The following COL28A1 variants were observed in gnomAD, a reference collection of about 807,000 sequenced individuals.
COL28A1 encodes collagen type XXVIII alpha 1 chain.
In COL28A1, 161 loss-of-function variants were observed where a neutral mutation model predicts 150.2. The observed-to-expected ratio is 1.07, with a 90% CI of 0.94 to 1.22. COL28A1 has a LOEUF of 1.22. Among genes scored for constraint, COL28A1 ranks in the 50% most tolerant of loss-of-function variants. The pLI is 0.00. For missense variants in COL28A1, 1,617 were observed against 1,388.3 expected, an observed-to-expected ratio of 1.16 and a Z score of -2.62; for synonymous variants, 552 against 469.7, an observed-to-expected ratio of 1.18 and a Z score of -2.26.
chr7:7,524,239 A>G lies in COL28A1; in HGVS notation c.692T>C (p.Phe231Ser), dbSNP rs1224895493. ...DKIQDRLDIL[F>S]EKKCERKICE... is the part of the protein sequence containing the mutation. ...GCATGTGGTGCTTACCTTCTTTTCA[A>G]ATAAGATATCCTACAAGGGAAAAAA... Residue 231 changes from phenylalanine to serine, a missense_variant, in exon 4 of 35, where the codon TTT becomes TCT. Physicochemically the swap from Phe to Ser is radical, Grantham distance 155 (BLOSUM62 -2). Coordinates refer to ENST00000399429, the MANE Select transcript of COL28A1 (RefSeq NM_001037763.3). The G allele has an allele frequency of 1.5e-6, 2 of 1,360,312 alleles. No individual in the cohort carries two copies. The highest frequency in any genetic ancestry group is 2.3e-5 in the East Asian group (1 of 43,734). The allele number at this position is 1,360,312 out of a possible 1,614,324, so 84.3% of individuals were successfully genotyped here.
At chr7:7,477,433 A>G (rs912123883) in intron 13 of COL28A1, among the ~76,000 whole-genome samples, 3 of 152,220 alleles carry the variant, frequency 2.0e-5, no homozygotes, top group Non-Finnish European at 4.4e-5. Context: ...GAGATGATTC[A>G]AAGTATACCA....
intron 8 of COL28A1, among the ~76,000 whole-genome samples, chr7:7,512,671 C>T (rs1238608437): frequency 2.0e-5 from 3 of 152,148 alleles, no homozygotes; most frequent in Admixed American, 6.5e-5. Flanking sequence ...GTAATATTAT[C>T]TCCTTTATAA....
intron 6 of COL28A1, among the ~76,000 whole-genome samples, chr7:7,519,369 C>G (rs1019053776): frequency 6.6e-6 from 1 of 152,210 alleles, no homozygotes; most frequent in Non-Finnish European, 1.5e-5. Context: ...GAGCTACGTA[C>G]AATTCAAGAT....
chr7:7,383,290 T>G (rs7791964), intron 27 of COL28A1, among the ~76,000 whole-genome samples: 64,677 of 122,246 alleles, frequency 0.53, 15,385 homozygotes, highest in Non-Finnish European at 0.57. Flanking sequence ...GTGTGTGTGT[T>G]TTTTTTGAGA....
chr7:7,430,971 C>A (rs1364230284), intron 25 of COL28A1, among the ~76,000 whole-genome samples: 1 of 152,162 alleles, frequency 6.6e-6, no homozygotes, highest in Non-Finnish European at 1.5e-5. Context: ...ATTGGACTCT[C>A]ATCATTACCC....
Position 7,532,876 on chromosome 7 carries a change from TA to T in COL28A1, c.-2del. 1.3e-6 allele frequency: 2 copies of T among 1,598,458 alleles called. No individual in the cohort carries two copies. Among genetic ancestry groups the T allele is most frequent in the South Asian group, 2.3e-5 (2 of 87,058 alleles). On this transcript the variant is annotated 5_prime_UTR_variant, in exon 2 of 35. Coordinates refer to ENST00000399429, the MANE Select transcript of COL28A1 (RefSeq NM_001037763.3). The stretch of plus-strand genomic sequence containing the variant: ...AGAAGACAAAATATCTGTTCCACAT[TA>T]TGGTAGATGGTGAAAAATCATCTGT...
chr7:7,409,920 A>C (rs1213772693), intron 27 of COL28A1, among the ~76,000 whole-genome samples: 1 of 152,206 alleles, frequency 6.6e-6, no homozygotes. Context: ...GAGAGCCTAA[A>C]GTTTTCATTC....
chr7:7,432,902 T>C (rs1194293897), intron 23 of COL28A1, among the ~76,000 whole-genome samples: 1 of 152,082 alleles, frequency 6.6e-6, no homozygotes, highest in African/African-American at 2.4e-5. Context: ...AAAAGAAAAT[T>C]TATTAAGCAC....
At chr7:7,396,252 C>T (rs1438640108) in intron 27 of COL28A1, among the ~76,000 whole-genome samples, 2 of 152,188 alleles carry the variant, frequency 1.3e-5, no homozygotes, top group African/African-American at 4.8e-5. Flanking sequence ...TAACCAGCAA[C>T]TGCCATTTAT....
the COL28A1 span, among the ~76,000 whole-genome samples, chr7:7,345,026 C>T: frequency 6.6e-5 from 10 of 151,430 alleles, no homozygotes; most frequent in Admixed American, 1.3e-4. Context: ...ACACACACCC[C>T]TTTCGCCTGA....
At chr7:7,424,769 C>G (rs916957364) in intron 25 of COL28A1, among the ~76,000 whole-genome samples, 2 of 152,176 alleles carry the variant, frequency 1.3e-5, no homozygotes, top group African/African-American at 4.8e-5. Flanking sequence ...CCTCTTGGCC[C>G]GCCAAAGGGA....
chr7:7,362,248 A>ACATTCTT, intron 33 of COL28A1, among the ~76,000 whole-genome samples: 1 of 44,990 alleles, frequency 2.2e-5, no homozygotes, highest in Non-Finnish European at 4.9e-5. Flanking sequence ...GGGAATAATT[A>ACATTCTT]TATTCTTTTG....
intron 25 of COL28A1, among the ~76,000 whole-genome samples, chr7:7,425,610 CTT>C (rs1478449951): frequency 6.6e-6 from 1 of 152,216 alleles, no homozygotes; most frequent in African/African-American, 2.4e-5. Context: ...CTTAATCTCT[CTT>C]CTTATCCATC....
chr7:7,361,853 T>TA (rs3067776), intron 33 of COL28A1, among the ~76,000 whole-genome samples: 6,018 of 148,712 alleles, frequency 0.04, 150 homozygotes, highest in Non-Finnish European at 0.047. Context: ...TATGCAGCCA[T>TA]AAAAACATGA....
chr7:7,423,099 G>A, intron 25 of COL28A1, among the ~76,000 whole-genome samples: 1 of 152,158 alleles, frequency 6.6e-6, no homozygotes, highest in East Asian at 1.9e-4. Flanking sequence ...ATTTGTTTTA[G>A]GTTTGATAAT....
At chr7:7,434,017 CA>C (rs1785172168) in intron 23 of COL28A1, among the ~76,000 whole-genome samples, 1 of 152,158 alleles carries the variant, frequency 6.6e-6, no homozygotes, top group Admixed American at 6.5e-5. Context: ...AACTATACTC[CA>C]ATAAATGAAT....
At chr7:7,523,443 C>A (rs1030105172) in intron 4 of COL28A1, among the ~76,000 whole-genome samples, 1 of 151,816 alleles carries the variant, frequency 6.6e-6, no homozygotes, top group South Asian at 2.1e-4. Context: ...CAGGCGTGAG[C>A]GACCATGCCT....
rs775968060 is a variant in COL28A1, at chr7:7,432,705, G to C, written c.1861-5C>G. ...TCCCCGAGGGCCTTGGACACCCTGG[G>C]TAAATTCCAACATCAGTGATATCAT... On this transcript the variant is annotated splice_region_variant and splice_polypyrimidine_tract_variant and intron_variant, in intron 23 of 34. Transcript: ENST00000399429. 1 of 1,612,130 alleles carries C rather than the reference G, an allele frequency of 6.2e-7. No individual in the cohort carries two copies. The highest frequency in any genetic ancestry group is 8.5e-7 in the Non-Finnish European group (1 of 1,178,774).
chr7:7,454,910 T>C (rs1316911314), intron 16 of COL28A1, among the ~76,000 whole-genome samples: 1 of 152,224 alleles, frequency 6.6e-6, no homozygotes, highest in Admixed American at 6.5e-5. Flanking sequence ...CTTGGCTTCT[T>C]CTGTACCTTA....
Sources: allele counts gnomAD v4.1 joint callset (sites outside exome capture counted in the v4.1 genomes callset), GRCh38; gene constraint gnomAD v4.1.1; transcripts MANE v1.5; gene names NCBI Gene and HGNC (gene_info 2026-07-23, HGNC 2026-07-21).